SLC8A1: variants seen among roughly 807,000 people sequenced by gnomAD.
The protein encoded by SLC8A1 is sodium/calcium exchanger 1.
In SLC8A1, 18 loss-of-function variants were observed where a neutral mutation model predicts 68.3. The observed-to-expected ratio is 0.26, with a 90% CI of 0.18 to 0.39. The LOEUF is 0.39. Among genes scored for constraint, SLC8A1 ranks in the 10% least tolerant of loss-of-function variants. The pLI is 1.00. For missense variants in SLC8A1, 985 were observed against 1,156.7 expected (o/e 0.85, Z 2.15); for synonymous variants, 475 against 415.5 (o/e 1.14, Z -1.74).
intron 1 of SLC8A1, among the ~76,000 whole-genome samples, chr2:40,511,702 A>C (rs1342084994): frequency 6.6e-6 from 1 of 152,154 alleles, no homozygotes; most frequent in Non-Finnish European, 1.5e-5. Flanking sequence ...AAAAGAAAGA[A>C]GACAAAATTT....
Position 40,135,052 on chromosome 2 carries a change from A to G in SLC8A1, c.2437+4349T>C, listed in dbSNP as rs140036784. On this transcript the variant is annotated intron_variant, in intron 7 of 7. Coordinates refer to ENST00000406785, the Ensembl canonical transcript of SLC8A1. The stretch of plus-strand genomic sequence containing the variant: ...GTCTTGTGTAAATGAAGGGGATATG[A>G]GACAGCTAGTGCAATCCAAAGAAAG... Among the ~76,000 whole-genome samples the G allele has an allele frequency of 1.4e-3, 215 of 152,320 alleles. 1 individual carries two copies. Among genetic ancestry groups the G allele is most frequent in the African/African-American group, 4.9e-3 (204 of 41,576 alleles).
chr2:40,415,933 G>T (rs1693727213), intron 2 of SLC8A1, among the ~76,000 whole-genome samples: 1 of 149,432 alleles, frequency 6.7e-6, no homozygotes, highest in South Asian at 2.1e-4. Flanking sequence ...GTGGTGGCAG[G>T]TGTCTATAAT....
Position 40,460,473 on chromosome 2 carries a change from C to T in SLC8A1, c.-24-30169G>A, listed in dbSNP as rs531774705. The stretch of plus-strand genomic sequence containing the variant: ...GCAAATAGGGAGTGACTACTCCATT[C>T]AGAGCCATGAACTAAGTTCTGTGGT... On this transcript the variant is annotated intron_variant, in intron 1 of 7. Coordinates refer to the SLC8A1 transcript ENST00000402441. 2.2e-4 allele frequency among the ~76,000 whole-genome samples: 33 copies of T among 152,210 alleles called. No individual in the cohort carries two copies. The South Asian group carries it at 2.5e-3, about 11-fold the overall frequency.
At chr2:40,131,246 C>G (rs2039270624) in intron 7 of SLC8A1, among the ~76,000 whole-genome samples, 1 of 152,160 alleles carries the variant, frequency 6.6e-6, no homozygotes, top group Non-Finnish European at 1.5e-5. Flanking sequence ...CACAGGTCTA[C>G]CTGCCTCTCT....
chr2:40,204,387 T>C (rs990620111), intron 2 of SLC8A1, among the ~76,000 whole-genome samples: 5 of 152,066 alleles, frequency 3.3e-5, no homozygotes, highest in Non-Finnish European at 7.4e-5. Context: ...TTTCAGATTA[T>C]GTTTCCACCC....
exon 8 of SLC8A1, chr2:40,115,354 G>T (rs375243952): frequency 6.2e-7 from 1 of 1,614,138 alleles, no homozygotes; most frequent in Non-Finnish European, 8.5e-7. Context: ...TTGGCAGTCC[G>T]GGGCCCACCC....
intron 2 of SLC8A1, among the ~76,000 whole-genome samples, chr2:40,214,881 C>T (rs1162179167): frequency 6.6e-6 from 1 of 152,130 alleles, no homozygotes; most frequent in East Asian, 1.9e-4. Context: ...GCTGTCTCAT[C>T]CCAAACTACC....
intron 2 of SLC8A1, among the ~76,000 whole-genome samples, chr2:40,366,245 T>G (rs1676162691): frequency 6.6e-6 from 1 of 152,102 alleles, no homozygotes. Context: ...GTTAACTTTT[T>G]AACATTATTA....
intron 2 of SLC8A1, among the ~76,000 whole-genome samples, chr2:40,291,903 C>CTTT (rs75778511): frequency 1.1e-4 from 15 of 138,242 alleles, no homozygotes; most frequent in African/African-American, 3.7e-4. Context: ...GACATCTTTA[C>CTTT]TTTTTTTTTT....
intron 2 of SLC8A1, among the ~76,000 whole-genome samples, chr2:40,217,600 G>A (rs1005945149): frequency 6.6e-6 from 1 of 152,110 alleles, no homozygotes; most frequent in Non-Finnish European, 1.5e-5. Context: ...TGCTTTTGGT[G>A]TTCTTGTGAG....
chr2:40,378,446 G>C (rs1005516561), intron 2 of SLC8A1, among the ~76,000 whole-genome samples: 6 of 152,156 alleles, frequency 3.9e-5, no homozygotes, highest in Admixed American at 1.3e-4. Flanking sequence ...GGCTGAAGTA[G>C]AGTATGTGAT....
chr2:40,479,661 C>T (rs575782612), intron 1 of SLC8A1, among the ~76,000 whole-genome samples: 16 of 152,202 alleles, frequency 1.1e-4, no homozygotes, highest in African/African-American at 3.4e-4. Flanking sequence ...GTTAAAATAC[C>T]GGTTTTATCT....
chr2:40,179,715 T>G (rs2049102776), intron 2 of SLC8A1, among the ~76,000 whole-genome samples: 1 of 152,210 alleles, frequency 6.6e-6, no homozygotes, highest in African/African-American at 2.4e-5. Flanking sequence ...GGAAATTGGC[T>G]TATGATCTTG....
intron 2 of SLC8A1, among the ~76,000 whole-genome samples, chr2:40,391,054 C>G (rs984320815): frequency 6.6e-6 from 1 of 151,702 alleles, no homozygotes; most frequent in Non-Finnish European, 1.5e-5. Context: ...GCTTTTATTA[C>G]CTTTGGATTT....
chr2:40,247,121 C>CAG (rs914890445), intron 2 of SLC8A1, among the ~76,000 whole-genome samples: 3 of 152,084 alleles, frequency 2.0e-5, no homozygotes, highest in African/African-American at 4.8e-5. Flanking sequence ...TTTTCCTGGG[C>CAG]AGAAGCAAGG....
At chr2:40,166,116 C>T (rs1348015733) in intron 4 of SLC8A1, among the ~76,000 whole-genome samples, 2 of 152,148 alleles carry the variant, frequency 1.3e-5, no homozygotes, top group African/African-American at 4.8e-5. Flanking sequence ...TGGCTTCCTG[C>T]CTGGTGCATT....
chr2:40,182,270 T>C (rs2049736451), intron 2 of SLC8A1, among the ~76,000 whole-genome samples: 3 of 152,158 alleles, frequency 2.0e-5, no homozygotes. Context: ...AAAGAACAAA[T>C]AGAAAAACTG....
chr2:40,457,844 T>A (rs2149890129), intron 1 of SLC8A1, among the ~76,000 whole-genome samples: 1 of 152,348 alleles, frequency 6.6e-6, no homozygotes, highest in East Asian at 1.9e-4. Context: ...AATTTTTATG[T>A]AAGAAATCCT....
intron 2 of SLC8A1, among the ~76,000 whole-genome samples, chr2:40,201,602 C>T (rs1008091921): frequency 6.6e-6 from 1 of 151,922 alleles, no homozygotes; most frequent in Non-Finnish European, 1.5e-5. Flanking sequence ...TAAGTACACA[C>T]AGAAGGGTTC....
Sources: gnomAD v4.1 joint callset for allele counts (sites outside exome capture counted in the v4.1 genomes callset) on GRCh38, gnomAD v4.1.1 for gene constraint, MANE v1.5 for transcripts, NCBI Gene and HGNC (gene_info 2026-07-23, HGNC 2026-07-21) for gene names.